Variants in MTMR1 observed in about 807,000 individuals in gnomAD.
The protein encoded by MTMR1 is myotubularin related protein 1, also known as phosphatidylinositol-3-phosphate phosphatase MTMR1.
Under a neutral mutation model 51.6 loss-of-function variants are expected in MTMR1, and 17 were observed. The observed-to-expected ratio is 0.33, with a 90% CI of 0.23 to 0.49. MTMR1 has a LOEUF of 0.49. Ranked by LOEUF, MTMR1 falls within the 20% of genes least tolerant of loss-of-function variation. MTMR1 has a pLI of 0.99. For missense variants in MTMR1, 386 were observed against 526.9 expected, an observed-to-expected ratio of 0.73 and a Z score of 2.62; for synonymous variants, 201 against 205.6, an observed-to-expected ratio of 0.98 and a Z score of 0.19.
chrX:150,729,874 C>G (rs1557416901), intron 6 of MTMR1, among the ~76,000 whole-genome samples: 1 of 111,155 alleles, frequency 9.0e-6, no homozygotes, highest in East Asian at 2.8e-4. Flanking sequence ...CAAAAATTAG[C>G]CGGTAGTGGT....
At chrX:150,696,928 C>A (rs1211539406) in intron 1 of MTMR1, among the ~76,000 whole-genome samples, 1 of 111,335 alleles carries the variant, frequency 9.0e-6, no homozygotes, top group Non-Finnish European at 1.9e-5. Context: ...TCTCCGCTTT[C>A]CCCCACAGAA....
chrX:150,746,539 A>G (rs1557417463), intron 13 of MTMR1, among the ~76,000 whole-genome samples: 2 of 112,711 alleles, frequency 1.8e-5, no homozygotes, highest in Non-Finnish European at 3.7e-5. Flanking sequence ...TTTTAGAAAA[A>G]TTGCATAAAA....
chrX:150,706,451 T>A (rs1557416072), intron 2 of MTMR1, among the ~76,000 whole-genome samples: 3 of 112,226 alleles, frequency 2.7e-5, no homozygotes, highest in African/African-American at 9.7e-5. Flanking sequence ...AGGAGTTTTT[T>A]AATATGTTCT....
rs138576798 is a variant in MTMR1, at chrX:150,727,696, A to G, written c.460A>G (p.Ile154Val). ...TTTTTGAACCTAGGACCCGCATTTTATCCTTGATGTTCCCCTTGGAGTGAT... is the reference window on the plus strand; with the variant it reads ...TTTTTGAACCTAGGACCCGCATTTTGTCCTTGATGTTCCCCTTGGAGTGAT... ...FKNVERDPHF[I>V]LDVPLGVISR... The change falls in exon 6 of 16, where the codon ATC (isoleucine) becomes GTC (valine). Residue 154 changes from isoleucine to valine, a missense_variant. Ile to Val is a conservative substitution (Grantham distance 29). Coordinates refer to ENST00000445323, the MANE Select transcript of MTMR1 (RefSeq NM_001306144.3). 7.7e-4 allele frequency: 932 copies of G among 1,208,087 alleles called. 6 individuals carry two copies. The African/African-American group carries it at 0.014, about 19-fold the overall frequency.
In MTMR1 at chrX:150,757,715, G is replaced by C. The variant is rs914765334; in HGVS notation, c.1857+1850G>C. On this transcript the variant is annotated intron_variant, in intron 15 of 15. Transcript: ENST00000445323. ...AACTAGTGTTTGATCACCTCTTTCAGCTCTTCCCAGAGTCTTCCTTGGATA... is the reference window on the plus strand; with the variant it reads ...AACTAGTGTTTGATCACCTCTTTCACCTCTTCCCAGAGTCTTCCTTGGATA... Among the ~76,000 whole-genome samples, 3 of 111,784 alleles carry C rather than the reference G, an allele frequency of 2.7e-5. No individual in the cohort carries two copies. The Admixed American group carries it at 2.8e-4, about 11-fold the overall frequency.
At position 150,732,717 on chromosome X, in the gene MTMR1, C is replaced by G. The variant is rs782700774; in HGVS notation, c.1067C>G (p.Ala356Gly). Residue 356 changes from alanine (A) to glycine (G), a missense_variant, in exon 10 of 16, where the codon GCT becomes GGT. Coordinates refer to ENST00000445323, the MANE Select transcript of MTMR1 (RefSeq NM_001306144.3). ...TTTGATGCTCGACAAAACAGTGTCG[C>G]TGATACCAACAAGGTATATTCTTAA... Reference protein sequence around the residue: ...IIFDARQNSVADTNKTKGGGY... With the variant: ...IIFDARQNSVGDTNKTKGGGY... 3 of 1,201,979 alleles carry G rather than the reference C, an allele frequency of 2.5e-6. No homozygotes were observed. Among genetic ancestry groups the G allele is most frequent in the Admixed American group, 4.4e-5 (2 of 45,211 alleles).
chrX:150,721,125 C>G (rs2041731218), intron 4 of MTMR1, among the ~76,000 whole-genome samples: 1 of 111,815 alleles, frequency 8.9e-6, no homozygotes, highest in South Asian at 3.7e-4. Context: ...TTAAATCAAC[C>G]TTGCATTCCC....
In MTMR1 at chrX:150,736,677, T is replaced by C; in HGVS notation, c.1163T>C (p.Met388Thr). 5.8e-6 allele frequency: 7 copies of C among 1,211,995 alleles called. No individual in the cohort carries two copies. The highest frequency in any genetic ancestry group is 7.8e-6 in the Non-Finnish European group (7 of 895,461). ...VFLEIHNIHVMRESLRKLKEI... is the reference protein window; with the variant it reads ...VFLEIHNIHVTRESLRKLKEI... Reference sequence around the variant, plus strand: ...TTGGAGATCCACAACATTCATGTCATGCGAGAGTCACTACGCAAATTAAAA... The same window carrying C: ...TTGGAGATCCACAACATTCATGTCACGCGAGAGTCACTACGCAAATTAAAA... Residue 388 changes from methionine (M) to threonine (T), a missense_variant, in exon 11 of 16, where the codon ATG (methionine) becomes ACG (threonine). By Grantham distance (81) the Met-to-Thr change is moderately conservative. Coordinates refer to ENST00000445323, the MANE Select transcript of MTMR1 (RefSeq NM_001306144.3).
At chrX:150,741,047 A>G (rs994592501) in intron 12 of MTMR1, among the ~76,000 whole-genome samples, 3 of 111,970 alleles carry the variant, frequency 2.7e-5, no homozygotes, top group African/African-American at 9.8e-5. Context: ...AGGAGGACAA[A>G]CATCCCAACA....
At chrX:150,714,544 G>C in intron 3 of MTMR1, 1 of 972,875 alleles carries the variant, frequency 1.0e-6, no homozygotes, top group African/African-American at 2.0e-5. Flanking sequence ...CAAGTTCTAC[G>C]TGTTCATCTG....
At chrX:150,706,506 T>C (rs2041108616) in intron 2 of MTMR1, among the ~76,000 whole-genome samples, 1 of 112,197 alleles carries the variant, frequency 8.9e-6, no homozygotes, top group Non-Finnish European at 1.9e-5. Context: ...AATATTTTCT[T>C]ATGAAATTTT....
Position 150,730,592 on chromosome X carries a change from C to A in MTMR1, c.725C>A (p.Ser242Tyr). The A allele has an allele frequency of 8.9e-7, 1 of 1,129,772 alleles. No individual in the cohort carries two copies. The highest frequency in any genetic ancestry group is 1.2e-6 in the Non-Finnish European group (1 of 836,833). The allele number at this position is 1,129,772 out of a possible 1,213,427, so 93.1% of individuals were successfully genotyped here. The change falls in exon 8 of 16, where the codon TCT (serine) becomes TAT (tyrosine). Residue 242 changes from serine to tyrosine, a missense_variant. Transcript: ENST00000445323. ...INGWKVYDPV[S>Y]EYKRQGLPNE... is the part of the protein sequence containing the mutation. ...GGCTGGAAAGTTTATGATCCAGTAT[C>A]TGAATATAAGAGACAGGTAAAGTAT...
intron 9 of MTMR1, 71 bp downstream of exon 9, chrX:150,731,690 C>A: frequency 1.1e-5 from 10 of 948,210 alleles, no homozygotes; most frequent in East Asian, 7.0e-5. Context: ...AGATTTAAGA[C>A]AAAAAAGAAA....
At chrX:150,739,352 AAAC>A (rs782430007) in intron 12 of MTMR1, among the ~76,000 whole-genome samples, 61 of 112,568 alleles carry the variant, frequency 5.4e-4, no homozygotes, top group African/African-American at 1.9e-3. Flanking sequence ...GGGAAGTTTT[AAAC>A]AACATCACCA....
intron 2 of MTMR1, among the ~76,000 whole-genome samples, chrX:150,707,732 A>G (rs190718248): frequency 8.9e-6 from 1 of 112,411 alleles, no homozygotes; most frequent in African/African-American, 3.2e-5. Flanking sequence ...CATTTGTCCA[A>G]GAGAAATTAA....
rs1171514272 is a variant in MTMR1, at chrX:150,718,440, T to C, written c.277-185T>C. ...CAATTTGCTAGAATATGCAGCATGG[T>C]GTCTTGTGATGCTAAGCTTTTAAGT... On this transcript the variant is annotated intron_variant, in intron 3 of 15. Coordinates refer to ENST00000445323, the MANE Select transcript of MTMR1 (RefSeq NM_001306144.3). Among the ~76,000 whole-genome samples, 3 of 111,389 alleles carry C rather than the reference T, an allele frequency of 2.7e-5. No homozygotes were observed. The East Asian group carries it at 8.4e-4, about 31-fold the overall frequency.
chrX:150,707,233 G>T (rs180830197), intron 2 of MTMR1, among the ~76,000 whole-genome samples: 1 of 111,656 alleles, frequency 9.0e-6, no homozygotes, highest in African/African-American at 3.3e-5. Flanking sequence ...ATCCATAAAA[G>T]GAAAAAATTG....
Position 150,693,635 on chromosome X carries a change from C to A in MTMR1, c.105C>A (p.Ala35=). The A allele has an allele frequency of 1.3e-6, 1 of 757,252 alleles. No individual in the cohort carries two copies. The highest frequency in any genetic ancestry group is 1.6e-6 in the Non-Finnish European group (1 of 642,092). 62.4% of individuals were successfully genotyped at this position (757,252 alleles called of 1,213,427 possible). A position where few individuals can be genotyped will look rare whatever the true frequency, so the allele number is the denominator to read the frequency against. The change falls in exon 1 of 16, where the codon GCC becomes GCA. Residue 35 remains alanine, a synonymous_variant. Coordinates refer to ENST00000445323, the MANE Select transcript of MTMR1 (RefSeq NM_001306144.3). ...GGCCTCCTCGGGCCGCGGGGGGCGCCACCGCCGGCTCCCGGCAGCCCAGCG... is the reference window on the plus strand; with the variant it reads ...GGCCTCCTCGGGCCGCGGGGGGCGCAACCGCCGGCTCCCGGCAGCCCAGCG... ...GRRPPRAAGG[A]TAGSRQPSVE... is the part of the protein sequence containing the mutation.
At chrX:150,738,525 T>C (rs1309811932) in intron 12 of MTMR1, among the ~76,000 whole-genome samples, 1 of 112,226 alleles carries the variant, frequency 8.9e-6, no homozygotes, top group Non-Finnish European at 1.9e-5. Flanking sequence ...TTCTGGAGGC[T>C]GGAAGTCCAA....
Sources: gnomAD v4.1 joint callset for allele counts (sites outside exome capture counted in the v4.1 genomes callset) on GRCh38, gnomAD v4.1.1 for gene constraint, MANE v1.5 for transcripts, NCBI Gene and HGNC (gene_info 2026-07-23, HGNC 2026-07-21) for gene names.